USH2A: variants seen among roughly 807,000 people sequenced by gnomAD.
USH2A encodes the protein usherin, also known as Usher syndrome 2A (autosomal recessive, mild).
A neutral mutation model predicts 538.9 loss-of-function variants in USH2A; 443 were observed. The observed-to-expected ratio is 0.82, with a 90% CI of 0.76 to 0.89. The LOEUF (loss-of-function observed/expected upper bound fraction) is 0.89. Ranked by LOEUF, USH2A falls within the 40% of genes least tolerant of loss-of-function variation. USH2A has a pLI of 0.00. For synonymous variants in USH2A, 2,413 were observed against 2,273.5 expected (o/e 1.06, Z -1.75); for missense variants, 6,633 against 6,324.8 (o/e 1.05, Z -1.65).
chr1:216,359,511 T>C (rs1454533961), intron 4 of USH2A, among the ~76,000 whole-genome samples: 17 of 152,102 alleles, frequency 1.1e-4, no homozygotes. Flanking sequence ...AGCTTGGCAA[T>C]TTAACCACAG....
At chr1:216,139,823 T>C (rs2033565875) in intron 21 of USH2A, among the ~76,000 whole-genome samples, 1 of 152,208 alleles carries the variant, frequency 6.6e-6, no homozygotes, top group Non-Finnish European at 1.5e-5. Flanking sequence ...TTTGGGAACT[T>C]GTCTGAGGCC....
At chr1:216,396,144 A>T in intron 3 of USH2A, among the ~76,000 whole-genome samples, 1 of 152,326 alleles carries the variant, frequency 6.6e-6, no homozygotes, top group East Asian at 1.9e-4. Flanking sequence ...AGTAAATACA[A>T]TATGACTTAA....
At chr1:215,719,383 A>AAAAAAT (rs397953947) in intron 61 of USH2A, among the ~76,000 whole-genome samples, 1 of 148,134 alleles carries the variant, frequency 6.8e-6, no homozygotes, top group Non-Finnish European at 1.5e-5. Flanking sequence ...AAAAAAAAAA[A>AAAAAAT]GCATGTTCTT....
chr1:215,803,595 C>T (rs1384235968), intron 49 of USH2A, among the ~76,000 whole-genome samples: 1 of 152,084 alleles, frequency 6.6e-6, no homozygotes, highest in East Asian at 1.9e-4. Context: ...AGGACCTCTT[C>T]AAGGAGAACT....
At chr1:215,868,053 C>A (rs939189621) in intron 43 of USH2A, among the ~76,000 whole-genome samples, 1 of 152,106 alleles carries the variant, frequency 6.6e-6, no homozygotes, top group Non-Finnish European at 1.5e-5. Context: ...AACACACGAC[C>A]ATCCCAGAGG....
intron 32 of USH2A, among the ~76,000 whole-genome samples, chr1:216,010,688 T>C (rs1442135116): frequency 6.6e-6 from 1 of 151,594 alleles, no homozygotes; most frequent in Non-Finnish European, 1.5e-5. Context: ...TCTCCAACTC[T>C]GGTGCCAACA....
Position 216,167,713 on chromosome 1 carries a change from C to T in USH2A, c.4627+7539G>A, listed in dbSNP as rs1025929160. Among the ~76,000 whole-genome samples the T allele has an allele frequency of 8.5e-5, 13 of 152,092 alleles. No homozygotes were observed. The East Asian group carries it at 9.7e-4, about 11-fold the overall frequency. ...CCCACTTGGCCCTCTTCCAAGTATA[C>T]TTTATTTCCTTTCATTCCTGCTCTA... On this transcript the variant is annotated intron_variant, in intron 21 of 71. Coordinates refer to ENST00000307340, the MANE Select transcript of USH2A (RefSeq NM_206933.4).
chr1:215,782,321 A>G (rs1558095490), intron 53 of USH2A, 125 bp from the exon 54 acceptor site: 1 of 1,053,060 alleles, frequency 9.5e-7, no homozygotes, highest in East Asian at 2.6e-5. Context: ...TTAATTTCCT[A>G]TTATATTGCT....
rs148969168 is a variant in USH2A, at chr1:216,165,195, A to G, written c.4627+10057T>C. ...TTAAAAGTGCTTTTTATTGTACTGT[A>G]TATGTTTATTATGACTGTCATCTTA... is the stretch of plus-strand genomic sequence containing the variant. On this transcript the variant is annotated intron_variant, in intron 21 of 71. Transcript: ENST00000307340. 4.0e-3 allele frequency among the ~76,000 whole-genome samples: 616 copies of G among 152,258 alleles called. 2 individuals are homozygous for G. The highest frequency in any genetic ancestry group is 0.014 in the African/African-American group (583 of 41,552).
At chr1:215,747,921 G>C (rs1439826525) in intron 58 of USH2A, among the ~76,000 whole-genome samples, 1 of 145,018 alleles carries the variant, frequency 6.9e-6, no homozygotes, top group Non-Finnish European at 1.5e-5. Context: ...GTCTCGCTCT[G>C]TCGCCCAGGC....
intron 24 of USH2A, among the ~76,000 whole-genome samples, chr1:216,085,294 A>G (rs2032093320): frequency 6.6e-6 from 1 of 152,176 alleles, no homozygotes; most frequent in Non-Finnish European, 1.5e-5. Context: ...TTACTGAAGT[A>G]AATCAATAAT....
intron 70 of USH2A, among the ~76,000 whole-genome samples, chr1:215,631,219 G>T (rs74708413): frequency 6.8e-6 from 1 of 147,734 alleles, no homozygotes; most frequent in Non-Finnish European, 1.5e-5. Context: ...TGTCACATGA[G>T]GGGGAGAAGT....
At chr1:215,936,452 C>T (rs764427466) in intron 37 of USH2A, among the ~76,000 whole-genome samples, 1 of 152,032 alleles carries the variant, frequency 6.6e-6, no homozygotes. Flanking sequence ...GTGCTCTTTG[C>T]TAATTTACTT....
intron 38 of USH2A, 22 bp downstream of exon 38, chr1:215,934,594 G>A (rs1257026826): frequency 6.2e-7 from 1 of 1,607,808 alleles, no homozygotes; most frequent in East Asian, 2.2e-5. Flanking sequence ...AAATTAGATA[G>A]CCAACATTTG....
At chr1:216,394,069 A>C (rs1054324313) in intron 3 of USH2A, among the ~76,000 whole-genome samples, 13 of 152,214 alleles carry the variant, frequency 8.5e-5, no homozygotes, top group African/African-American at 3.1e-4. Context: ...ATCATCAGTC[A>C]CCGGGGAAAA....
chr1:216,080,719 G>A (rs1035765526), intron 26 of USH2A, among the ~76,000 whole-genome samples: 1 of 151,038 alleles, frequency 6.6e-6, no homozygotes, highest in Non-Finnish European at 1.5e-5. Flanking sequence ...AAAGAGGGGA[G>A]ACTGTAGAAC....
intron 38 of USH2A, among the ~76,000 whole-genome samples, chr1:215,909,193 G>A (rs1051077673): frequency 2.0e-5 from 3 of 151,500 alleles, no homozygotes; most frequent in African/African-American, 7.3e-5. Context: ...AAATTAAAAT[G>A]GTTTTTATTA....
intron 4 of USH2A, among the ~76,000 whole-genome samples, chr1:216,342,894 A>C (rs1254832737): frequency 6.6e-6 from 1 of 152,074 alleles, no homozygotes; most frequent in Non-Finnish European, 1.5e-5. Flanking sequence ...TGGGGCTTAA[A>C]ACCTAGATGA....
chr1:216,057,612 G>T (rs982337855), intron 30 of USH2A, among the ~76,000 whole-genome samples: 1 of 152,058 alleles, frequency 6.6e-6, no homozygotes, highest in Non-Finnish European at 1.5e-5. Context: ...GCTTGAACCC[G>T]GGCGGCGCAG....
Sources: gnomAD v4.1 joint callset for allele counts (sites outside exome capture counted in the v4.1 genomes callset) on GRCh38, gnomAD v4.1.1 for gene constraint, MANE v1.5 for transcripts, NCBI Gene and HGNC (gene_info 2026-07-23, HGNC 2026-07-21) for gene names.